YY1AP1: variants seen among roughly 807,000 people sequenced by gnomAD.
YY1AP1 encodes the protein YY1-associated protein 1.
Under a neutral mutation model 39.9 loss-of-function variants are expected in YY1AP1, and 43 were observed. The observed-to-expected ratio is 1.08, with a 90% confidence interval of 0.84 to 1.39. The LOEUF (loss-of-function observed/expected upper bound fraction) is 1.39. Among genes scored for constraint, YY1AP1 ranks in the 40% most tolerant of loss-of-function variants. YY1AP1 has a pLI of 0.00. For missense variants in YY1AP1, 813 were observed against 900.7 expected, an observed-to-expected ratio of 0.90 and a Z score of 1.25; for synonymous variants, 292 against 331.3, an observed-to-expected ratio of 0.88 and a Z score of 1.29.
intron 7 of YY1AP1, 123 bp from the exon 8 acceptor site, chr1:155,670,587 G>T: frequency 1.0e-6 from 1 of 979,154 alleles, no homozygotes; most frequent in Non-Finnish European, 1.5e-6. Context: ...CCTCCCATCT[G>T]CCTACCACTC....
chr1:155,681,059 T>C (rs1011431554), intron 2 of YY1AP1, among the ~76,000 whole-genome samples: 1 of 151,698 alleles, frequency 6.6e-6, no homozygotes, highest in African/African-American at 2.4e-5. Context: ...AGACGGAGTT[T>C]CGCTCTTGTT....
intron 4 of YY1AP1, 190 bp downstream of exon 4, chr1:155,679,219 T>C: frequency 6.6e-7 from 1 of 1,524,328 alleles, no homozygotes; most frequent in Non-Finnish European, 8.8e-7. Flanking sequence ...AGATACAGCT[T>C]GGCCTACAGC....
intron 9 of YY1AP1, among the ~76,000 whole-genome samples, chr1:155,667,489 A>C (rs1305149281): frequency 6.6e-6 from 1 of 151,338 alleles, no homozygotes; most frequent in East Asian, 1.9e-4. Context: ...CAGAGTGAGA[A>C]CCTGTCTCTA....
rs148117379 is a variant in YY1AP1 at position 155,668,693 on chromosome 1, A to C, written c.813T>G (p.Thr271=). Reference sequence around the variant, plus strand: ...TGATTCTCACTGTCAGTTGGCGGGCAGTCTTGCAGGTTAGAAGGTACTTGC... The same window carrying C: ...TGATTCTCACTGTCAGTTGGCGGGCCGTCTTGCAGGTTAGAAGGTACTTGC... ...LISKYLLTCK[T]ARQLTVRIKN... is the part of the protein sequence containing the mutation. The change falls in exon 9 of 11, where the codon ACT becomes ACG. Residue 271 remains threonine (T), a synonymous_variant. Transcript: ENST00000355499. 1.9e-6 allele frequency: 3 copies of C among 1,614,214 alleles called. No individual in the cohort carries two copies. Among genetic ancestry groups the C allele is most frequent in the East Asian group, 2.2e-5 (1 of 44,892 alleles).
Position 155,670,577 on chromosome 1 carries a change from C to T in YY1AP1, c.584-113G>A. The stretch of plus-strand genomic sequence containing the variant: ...GAGCTGTCCTTATCTAACTTGATTC[C>T]CTCCCATCTGCCTACCACTCCCCAA... On this transcript the variant is annotated intron_variant, in intron 7 of 10. Coordinates refer to ENST00000355499, the MANE Select transcript of YY1AP1 (RefSeq NM_139119.3). 2 of 1,124,146 alleles carry T rather than the reference C, an allele frequency of 1.8e-6. 1 individual carries two copies. Among genetic ancestry groups the T allele is most frequent in the South Asian group, 3.0e-5 (2 of 66,460 alleles). The allele number at this position is 1,124,146 out of a possible 1,614,324, so 69.6% of individuals were successfully genotyped here.
intron 9 of YY1AP1, among the ~76,000 whole-genome samples, chr1:155,662,545 C>T (rs1648325737): frequency 6.6e-6 from 1 of 150,950 alleles, no homozygotes; most frequent in Non-Finnish European, 1.5e-5. Context: ...TAAACCATGA[C>T]AATAAGCATC....
intron 2 of YY1AP1, among the ~76,000 whole-genome samples, chr1:155,683,364 T>C (rs1651784885): frequency 6.6e-6 from 1 of 150,914 alleles, no homozygotes; most frequent in African/African-American, 2.4e-5. Context: ...AAGAGATGGG[T>C]TTGGCTAGGC....
chr1:155,687,995 G>A lies in YY1AP1; in HGVS notation c.-21+76C>T. On this transcript the variant is annotated intron_variant, in intron 2 of 10. Transcript: ENST00000355499. ...AGGTCCAGGTCCGGGAGATGACAGTGGCTCCCAGAAAGCCCAGGATTCAAT... is the reference window on the plus strand; with the variant it reads ...AGGTCCAGGTCCGGGAGATGACAGTAGCTCCCAGAAAGCCCAGGATTCAAT... 3.4e-6 allele frequency: 5 copies of A among 1,454,440 alleles called. No individual in the cohort carries two copies. The South Asian group carries it at 6.7e-5, about 20-fold the overall frequency. 90.1% of individuals were successfully genotyped at this position (1,454,440 alleles called of 1,614,324 possible). A position where few individuals can be genotyped will look rare whatever the true frequency, so the allele number is the denominator to read the frequency against.
At chr1:155,680,393 C>T (rs1651343598) in intron 3 of YY1AP1, 23 bp downstream of exon 3, 1 of 1,612,576 alleles carries the variant, frequency 6.2e-7, no homozygotes, top group Non-Finnish European at 8.5e-7. Flanking sequence ...ATCCCATGTT[C>T]TCACTTGAGG....
intron 3 of YY1AP1, chr1:155,679,845 GT>G: frequency 8.9e-7 from 1 of 1,127,274 alleles, no homozygotes; most frequent in South Asian, 1.8e-5. Context: ...TTTAAAACTA[GT>G]TGGCAATCTT....
intron 2 of YY1AP1, among the ~76,000 whole-genome samples, chr1:155,682,252 T>A (rs1651629822): frequency 6.6e-6 from 1 of 152,216 alleles, no homozygotes; most frequent in South Asian, 2.1e-4. Flanking sequence ...TTTTAATTTT[T>A]ATTCATTTGT....
At position 155,659,991 on chromosome 1, in the gene YY1AP1, T is replaced by C. The variant is rs751616927; in HGVS notation, c.1919A>G (p.Asp640Gly). The change falls in exon 11 of 11, where the codon GAC (aspartate) becomes GGC (glycine). Residue 640 changes from aspartate (D) to glycine (G), a missense_variant. Physicochemically the swap from Asp to Gly is moderately conservative, Grantham distance 94 (BLOSUM62 -1). Transcript: ENST00000355499. ...TPEDKAHMNV[D>G]IACAVADGEN... ...CCCATCAGCCACAGCACAAGCAATGTCCACATTCATGTGGGCCTTATCTTC... is the reference window on the plus strand; with the variant it reads ...CCCATCAGCCACAGCACAAGCAATGCCCACATTCATGTGGGCCTTATCTTC... The C allele has an allele frequency of 2.9e-5, 47 of 1,614,066 alleles. No individual in the cohort carries two copies. The highest frequency in any genetic ancestry group is 1.2e-4 in the Admixed American group (7 of 60,002).
At chr1:155,663,258 C>A (rs1329705955) in intron 9 of YY1AP1, among the ~76,000 whole-genome samples, 1 of 151,262 alleles carries the variant, frequency 6.6e-6, no homozygotes, top group Non-Finnish European at 1.5e-5. Context: ...GTAATCTCAG[C>A]TACTCGGGAG....
rs1219337225 is a variant in YY1AP1, at chr1:155,670,226, C to T, written c.728+94G>A. On this transcript the variant is annotated intron_variant, in intron 8 of 10. Coordinates refer to ENST00000355499, the MANE Select transcript of YY1AP1 (RefSeq NM_139119.3). ...TCTATACTGCTTTTCCTTTTGTGTC[C>T]ATGTCTTATTATACAAGTCTTACTT... The T allele has an allele frequency of 4.5e-6, 7 of 1,551,246 alleles. No individual in the cohort carries two copies. In the African/African-American group the frequency reaches 8.2e-5, roughly 18 times the overall value.
intron 2 of YY1AP1, among the ~76,000 whole-genome samples, chr1:155,686,145 C>T (rs1490769454): frequency 6.7e-6 from 1 of 149,768 alleles, no homozygotes; most frequent in Non-Finnish European, 1.5e-5. Flanking sequence ...CGCCATTCTC[C>T]TGCCTCAGCC....
At chr1:155,677,087 TTC>T (rs749234635) in intron 4 of YY1AP1, among the ~76,000 whole-genome samples, 12 of 152,144 alleles carry the variant, frequency 7.9e-5, no homozygotes, top group Non-Finnish European at 1.5e-4. Flanking sequence ...TTCTCATTTC[TTC>T]TCTCATTACT....
chr1:155,688,280 G>A (rs544283867), intron 1 of YY1AP1, 79 bp from the exon 2 acceptor site: 5 of 1,588,920 alleles, frequency 3.1e-6, no homozygotes, highest in South Asian at 2.3e-5. Flanking sequence ...TCCCGCAACC[G>A]ACACTGGGAT....
chr1:155,672,794 C>T, intron 6 of YY1AP1, 63 bp from the exon 7 acceptor site: 1 of 1,612,318 alleles, frequency 6.2e-7, no homozygotes, highest in Non-Finnish European at 8.5e-7. Flanking sequence ...CAATAGCCTT[C>T]AGAATCTAAA....
intron 4 of YY1AP1, among the ~76,000 whole-genome samples, chr1:155,677,063 G>C (rs1650800794): frequency 6.6e-6 from 1 of 152,154 alleles, no homozygotes; most frequent in Non-Finnish European, 1.5e-5. Context: ...CAAGGAGCTG[G>C]TGGGAACTCA....
Sources: gnomAD v4.1 joint callset for allele counts (sites outside exome capture counted in the v4.1 genomes callset) on GRCh38, gnomAD v4.1.1 for gene constraint, MANE v1.5 for transcripts, NCBI Gene and HGNC (gene_info 2026-07-23, HGNC 2026-07-21) for gene names.